The following PHF21A variants were observed in gnomAD, a reference collection of about 807,000 sequenced individuals.
PHF21A encodes the protein BHC80a.
PHF21A carries 11 observed loss-of-function variants against 82.5 expected under a neutral mutation model. The observed-to-expected ratio is 0.13, with a 90% CI of 0.08 to 0.22. PHF21A has a LOEUF of 0.22. PHF21A is among the 10% of genes least tolerant of loss of function. PHF21A has a pLI of 1.00. For missense variants in PHF21A, 579 were observed against 837.8 expected (o/e 0.69, Z 3.81); for synonymous variants, 297 against 302.8 (o/e 0.98, Z 0.20).
intron 10 of PHF21A, among the ~76,000 whole-genome samples, chr11:45,956,963 T>G (rs1390934428): frequency 6.6e-6 from 1 of 152,188 alleles, no homozygotes. Flanking sequence ...AGTGAAAGGA[T>G]GTTTATAATG....
chr11:46,062,807 T>C (rs2096551658), intron 6 of PHF21A, among the ~76,000 whole-genome samples: 1 of 152,154 alleles, frequency 6.6e-6, no homozygotes, highest in Non-Finnish European at 1.5e-5. Flanking sequence ...AACCCAGACA[T>C]ACTAAGGCAT....
At chr11:45,970,059 T>C in intron 8 of PHF21A, 155 bp from the exon 9 acceptor site, 1 of 643,308 alleles carries the variant, frequency 1.6e-6, no homozygotes, top group Non-Finnish European at 2.8e-6. Flanking sequence ...ATTAGGAAAC[T>C]TTTTAACTCT....
At chr11:45,970,594 T>TC (rs1555023884) in intron 8 of PHF21A, 61 of 152,510 alleles carry the variant, frequency 4.0e-4, no homozygotes, top group African/African-American at 1.4e-3. Flanking sequence ...TTTTTTTTTT[T>TC]CCTGAACAAA....
At chr11:46,089,147 A>C (rs544756905) in intron 3 of PHF21A, among the ~76,000 whole-genome samples, 1 of 152,288 alleles carries the variant, frequency 6.6e-6, no homozygotes, top group East Asian at 1.9e-4. Context: ...TCTCAGACAC[A>C]ATGTTTAAAG....
At chr11:45,992,848 C>A (rs1277690588) in intron 6 of PHF21A, among the ~76,000 whole-genome samples, 1 of 152,102 alleles carries the variant, frequency 6.6e-6, no homozygotes, top group Non-Finnish European at 1.5e-5. Flanking sequence ...CTTAAAGTAC[C>A]TTACATATAA....
At chr11:45,944,648 C>T (rs1260819106) in intron 15 of PHF21A, among the ~76,000 whole-genome samples, 2 of 152,256 alleles carry the variant, frequency 1.3e-5, no homozygotes, top group Non-Finnish European at 2.9e-5. Context: ...CACCTCAGGG[C>T]TTTGCACTGC....
chr11:46,023,785 G>A (rs2095680250), intron 6 of PHF21A, among the ~76,000 whole-genome samples: 1 of 152,104 alleles, frequency 6.6e-6, no homozygotes, highest in Non-Finnish European at 1.5e-5. Flanking sequence ...GTGAAACCCT[G>A]TTTCTACTAA....
intron 10 of PHF21A, among the ~76,000 whole-genome samples, chr11:45,957,779 AAAT>A (rs1472009248): frequency 6.6e-6 from 1 of 151,034 alleles, no homozygotes; most frequent in Non-Finnish European, 1.5e-5. Flanking sequence ...AGAAAAAAGA[AAAT>A]AAAGTCTAGG....
intron 1 of PHF21A, among the ~76,000 whole-genome samples, chr11:46,115,220 T>G (rs2097273723): frequency 6.6e-6 from 1 of 152,184 alleles, no homozygotes; most frequent in Admixed American, 6.6e-5. Flanking sequence ...GTAAGAAAGT[T>G]GCTTTAGAAG....
intron 1 of PHF21A, among the ~76,000 whole-genome samples, chr11:46,110,700 CT>C (rs1386328657): frequency 2.0e-5 from 3 of 152,064 alleles, no homozygotes; most frequent in Admixed American, 1.3e-4. Context: ...AATAAAACAG[CT>C]TATAAAGTAG....
At chr11:46,011,711 AG>A (rs1254087799) in intron 6 of PHF21A, among the ~76,000 whole-genome samples, 1 of 152,196 alleles carries the variant, frequency 6.6e-6, no homozygotes, top group Non-Finnish European at 1.5e-5. Flanking sequence ...CAATGTATTT[AG>A]CTAACAAAAG....
intron 16 of PHF21A, chr11:45,936,823 C>A: frequency 2.4e-6 from 1 of 418,892 alleles, no homozygotes; most frequent in African/African-American, 2.1e-5. Context: ...CTTGGCTGAG[C>A]ATTCCTATCT....
chr11:45,950,327 G>T, intron 11 of PHF21A, 70 bp from the exon 12 acceptor site: 1 of 1,376,252 alleles, frequency 7.3e-7, no homozygotes, highest in Non-Finnish European at 1.0e-6. Context: ...CCAGTTCCTA[G>T]TAGGACATTA....
At chr11:45,981,986 T>A (rs1339700583) in intron 6 of PHF21A, among the ~76,000 whole-genome samples, 1 of 143,312 alleles carries the variant, frequency 7.0e-6, no homozygotes, top group Non-Finnish European at 1.5e-5. Flanking sequence ...AAACAGGGTC[T>A]GGCTCTGTCA....
chr11:46,111,088 T>C (rs1389505873), intron 1 of PHF21A, among the ~76,000 whole-genome samples: 2 of 149,724 alleles, frequency 1.3e-5, no homozygotes, highest in African/African-American at 2.4e-5. Flanking sequence ...CCTGGCCATA[T>C]TAACAAATTT....
chr11:46,080,011 G>A (rs1320790304), intron 4 of PHF21A, among the ~76,000 whole-genome samples: 1 of 152,094 alleles, frequency 6.6e-6, no homozygotes, highest in Non-Finnish European at 1.5e-5. Flanking sequence ...AGGAACATCA[G>A]AAGTCCTAAA....
At chr11:46,056,598 A>C (rs1183047611) in intron 6 of PHF21A, among the ~76,000 whole-genome samples, 1 of 151,962 alleles carries the variant, frequency 6.6e-6, no homozygotes, top group East Asian at 1.9e-4. Flanking sequence ...AGAAATCTAA[A>C]CTCGTTCAAG....
intron 6 of PHF21A, among the ~76,000 whole-genome samples, chr11:46,002,807 C>T (rs2095180657): frequency 6.6e-6 from 1 of 151,992 alleles, no homozygotes; most frequent in African/African-American, 2.4e-5. Context: ...TCAAAAGACC[C>T]TTCTTCCCCA....
chr11:46,107,158 A>G (rs2097160870), intron 1 of PHF21A, among the ~76,000 whole-genome samples: 1 of 152,220 alleles, frequency 6.6e-6, no homozygotes, highest in South Asian at 2.1e-4. Context: ...AAAATTTCAA[A>G]TTTCCTATAT....
Sources: gnomAD v4.1 joint callset for allele counts (sites outside exome capture counted in the v4.1 genomes callset) on GRCh38, gnomAD v4.1.1 for gene constraint, MANE v1.5 for transcripts, NCBI Gene and HGNC (gene_info 2026-07-23, HGNC 2026-07-21) for gene names.